The following XRCC3 variants were observed in gnomAD, a reference collection of about 807,000 sequenced individuals.
The protein encoded by XRCC3 is X-ray repair cross complementing 3, also known as DNA repair protein XRCC3.
Under a neutral mutation model 29.2 loss-of-function variants are expected in XRCC3, and 34 were observed. That is an observed-to-expected ratio of 1.16 (90% CI 0.88 to 1.55). The LOEUF (loss-of-function observed/expected upper bound fraction) is 1.55. Ranked by LOEUF, XRCC3 falls within the 40% of genes most tolerant of loss-of-function variation. The pLI, the probability that XRCC3 is intolerant of heterozygous loss-of-function variation, is 0.00. For synonymous variants in XRCC3, 223 were observed against 211.3 expected (o/e 1.06, Z -0.48); for missense variants, 463 against 467.6 (o/e 0.99, Z 0.09).
At chr14:103,713,199 C>T (rs2083692552) in intron 1 of XRCC3, 1 of 152,312 alleles carries the variant, frequency 6.6e-6, no homozygotes, top group Non-Finnish European at 1.5e-5. Flanking sequence ...GCCTCTCTCC[C>T]ACTGCAAGAC....
intron 4 of XRCC3, chr14:103,710,767 A>C (rs1225796356): frequency 2.1e-6 from 1 of 468,818 alleles, no homozygotes; most frequent in Non-Finnish European, 3.8e-6. Flanking sequence ...AAAAGACTTT[A>C]TGTGGCTCCA....
chr14:103,708,415 T>C lies in XRCC3; in HGVS notation c.193+107A>G, dbSNP rs2083514483. Reference sequence around the variant, plus strand: ...GGGCTGGAGCAGCTGCCACACGCCCTGAGGCTGGTCCCTGGGTGAAGTCTG... The same window carrying C: ...GGGCTGGAGCAGCTGCCACACGCCCCGAGGCTGGTCCCTGGGTGAAGTCTG... On this transcript the variant is annotated intron_variant, in intron 5 of 9. Coordinates refer to ENST00000555055, the MANE Select transcript of XRCC3 (RefSeq NM_005432.4). 12 of 1,538,338 alleles carry C rather than the reference T, an allele frequency of 7.8e-6. No individual in the cohort carries two copies. The South Asian group carries it at 1.3e-4, about 16-fold the overall frequency.
In XRCC3 at chr14:103,707,041, G is replaced by T; in HGVS notation, c.368C>A (p.Ala123Asp). Residue 123 changes from alanine to aspartate, a missense_variant, in exon 6 of 10, where the codon GCT becomes GAT. Coordinates refer to ENST00000555055, the MANE Select transcript of XRCC3 (RefSeq NM_005432.4). ...TCCGTGCTGCCGCGGGAACTGCACA[G>T]CCAGGCAGAGCTGCAGCGCCAGCTG... Reference protein sequence around the residue: ...KTQLALQLCLAVQFPRQHGGL... With the variant: ...KTQLALQLCLDVQFPRQHGGL... The T allele has an allele frequency of 6.4e-7, 1 of 1,567,182 alleles. No individual in the cohort carries two copies. The highest frequency in any genetic ancestry group is 8.6e-7 in the Non-Finnish European group (1 of 1,159,338).
At chr14:103,699,859 C>T in intron 7 of XRCC3, 1 of 490,648 alleles carries the variant, frequency 2.0e-6, no homozygotes. Flanking sequence ...ACACCGTCCT[C>T]TGTAGAGGTG....
In XRCC3 at chr14:103,708,584, G is replaced by A; in HGVS notation, c.131C>T (p.Pro44Leu). ...CGTTCTCAGCAAGTGCCAGACCTCG[G>A]GGCTGGAGAGGTTGGTCAGTCTCTT... is the stretch of plus-strand genomic sequence containing the variant. ...DLKRLTNLSS[P>L]EVWHLLRTAS... The change falls in exon 5 of 10, where the codon CCC (proline) becomes CTC (leucine). Residue 44 changes from proline (P) to leucine (L), a missense_variant. By Grantham distance (98) the Pro-to-Leu change is moderately conservative. Coordinates refer to ENST00000555055, the MANE Select transcript of XRCC3 (RefSeq NM_005432.4). The A allele has an allele frequency of 6.2e-7, 1 of 1,614,160 alleles. No homozygotes were observed. The highest frequency in any genetic ancestry group is 8.5e-7 in the Non-Finnish European group (1 of 1,180,026).
Position 103,698,909 on chromosome 14 carries a change from G to A in XRCC3, c.930C>T (p.Cys310=). 3 of 1,599,380 alleles carry A rather than the reference G, an allele frequency of 1.9e-6. No homozygotes were observed. Among genetic ancestry groups the A allele is most frequent in the East Asian group, 2.3e-5 (1 of 44,252 alleles). Residue 310 remains cysteine, a synonymous_variant, in exon 10 of 10, where the codon TGC becomes TGT. Coordinates refer to ENST00000555055, the MANE Select transcript of XRCC3 (RefSeq NM_005432.4). ...AGAGCACCCGCAGGGTCCGGGCTGG[G>A]CAGCCGAGGGCAGCCTCTTCCTCGC... ...RLREEEAALG[C]PARTLRVLSA...
At chr14:103,711,315 T>C (rs2083617751) in intron 3 of XRCC3, 70 bp from the exon 4 acceptor site, 1 of 680,866 alleles carries the variant, frequency 1.5e-6, no homozygotes, top group Non-Finnish European at 2.7e-6. Context: ...ATGTCTGTCA[T>C]TTACCTCTAA....
chr14:103,707,862 T>A (rs1331622766), intron 5 of XRCC3: 1 of 189,850 alleles, frequency 5.3e-6, no homozygotes, highest in African/African-American at 2.4e-5. Flanking sequence ...GCACACTGCC[T>A]TGGGCACCCC....
At position 103,700,432 on chromosome 14, in the gene XRCC3, G is replaced by A. The variant is rs568421373; in HGVS notation, c.562-856C>T. Reference sequence around the variant, plus strand: ...ACCGCACAGCTTGGTGAGCCATGGTGATGGGGGAGGGTGACACAGCTGCTC... The same window carrying A: ...ACCGCACAGCTTGGTGAGCCATGGTAATGGGGGAGGGTGACACAGCTGCTC... On this transcript the variant is annotated intron_variant, in intron 7 of 9. Transcript: ENST00000555055. 11 of 474,300 alleles carry A rather than the reference G, an allele frequency of 2.3e-5. No homozygotes were observed. In the Middle Eastern group the frequency reaches 1.6e-3, roughly 70 times the overall value. 29.4% of individuals were successfully genotyped at this position (474,300 alleles called of 1,614,324 possible). A position where few individuals can be genotyped will look rare whatever the true frequency, so the allele number is the denominator to read the frequency against.
rs2151909371 is a variant in XRCC3 at position 103,699,447 on chromosome 14, TG to T, written c.690del (p.Arg231GlyfsTer15). ...CCCAGGGACTGCAGATGCCTGGCCC[TG>T]GGGGCGGAGGCCTGGCTGTCAAATT... ...RCEFDSQASA[P>X]RARHLQSLGA... On this transcript the variant is annotated frameshift_variant, in exon 8 of 10. Transcript: ENST00000555055. LOFTEE classifies it high-confidence loss of function. 1 of 1,612,538 alleles carries T rather than the reference TG, an allele frequency of 6.2e-7. No homozygotes were observed. The highest frequency in any genetic ancestry group is 1.1e-5 in the South Asian group (1 of 91,054).
intron 7 of XRCC3, chr14:103,702,691 G>T: frequency 5.4e-6 from 1 of 186,550 alleles, no homozygotes. Flanking sequence ...GCAGCCTGCC[G>T]CCCTGCCTGC....
At position 103,699,169 on chromosome 14, in the gene XRCC3, G is replaced by A. The variant is rs2151906535; in HGVS notation, c.785C>T (p.Ala262Val). ...GTGTGCTGCGCCCTGCTCCTCCATGGCCTCTGTCACCTGGAAGAGCACAGT... is the reference window on the plus strand; with the variant it reads ...GTGTGCTGCGCCCTGCTCCTCCATGACCTCTGTCACCTGGAAGAGCACAGT... Reference protein sequence around the residue: ...PVLCINQVTEAMEEQGAAHGP... With the variant: ...PVLCINQVTEVMEEQGAAHGP... Residue 262 changes from alanine (A) to valine (V), a missense_variant, in exon 9 of 10, where the codon GCC (alanine) becomes GTC (valine). Coordinates refer to ENST00000555055, the MANE Select transcript of XRCC3 (RefSeq NM_005432.4). 1 of 1,566,712 alleles carries A rather than the reference G, an allele frequency of 6.4e-7. No homozygotes were observed. Among genetic ancestry groups the A allele is most frequent in the Non-Finnish European group, 8.6e-7 (1 of 1,159,276 alleles).
intron 2 of XRCC3, 70 bp from the exon 3 acceptor site, chr14:103,711,637 G>A (rs1250336925): frequency 2.2e-6 from 1 of 456,346 alleles, no homozygotes; most frequent in South Asian, 1.5e-5. Context: ...GTCGCCCCCA[G>A]CAGCCAACAG....
Position 103,707,789 on chromosome 14 carries a change from G to A in XRCC3, c.194-574C>T, listed in dbSNP as rs115125943. 360 of 195,878 alleles carry A rather than the reference G, an allele frequency of 1.8e-3. 1 individual carries two copies. Among genetic ancestry groups the A allele is most frequent in the African/African-American group, 7.8e-3 (330 of 42,330 alleles). 12.1% of individuals were successfully genotyped at this position (195,878 alleles called of 1,614,324 possible). On this transcript the variant is annotated intron_variant, in intron 5 of 9. Coordinates refer to ENST00000555055, the MANE Select transcript of XRCC3 (RefSeq NM_005432.4). Reference sequence around the variant, plus strand: ...GGGCAAGGCTCAAGGTGGGACATGCGGTGCAGGCTGCGCTCTTGGCCTGGG... The same window carrying A: ...GGGCAAGGCTCAAGGTGGGACATGCAGTGCAGGCTGCGCTCTTGGCCTGGG...
rs981508278 is a variant in XRCC3, at chr14:103,707,912, C to T, written c.193+610G>A. 4 of 205,326 alleles carry T rather than the reference C, an allele frequency of 1.9e-5. No individual in the cohort carries two copies. The South Asian group carries it at 3.5e-4, about 18-fold the overall frequency. 12.7% of individuals were successfully genotyped at this position (205,326 alleles called of 1,614,324 possible). Reference sequence around the variant, plus strand: ...GGCCACCCTGACTGTGAGGCCTGCCCAGAGCCCTGCCCACAGCACCGTGTG... The same window carrying T: ...GGCCACCCTGACTGTGAGGCCTGCCTAGAGCCCTGCCCACAGCACCGTGTG... On this transcript the variant is annotated intron_variant, in intron 5 of 9. Coordinates refer to ENST00000555055, the MANE Select transcript of XRCC3 (RefSeq NM_005432.4).
intron 7 of XRCC3, among the ~76,000 whole-genome samples, chr14:103,700,912 G>C (rs76914197): frequency 0.024 from 3,647 of 152,268 alleles, 141 homozygotes; most frequent in African/African-American, 0.082. Flanking sequence ...GCCACAGAGT[G>C]GGGGGGTGGG....
At chr14:103,708,719 A>G in intron 4 of XRCC3, 60 bp from the exon 5 acceptor site, 1 of 1,609,016 alleles carries the variant, frequency 6.2e-7, no homozygotes. Context: ...AGGGCAACAC[A>G]GTGACAAAAG....
intron 6 of XRCC3, chr14:103,706,376 C>T (rs1212082615): frequency 4.4e-6 from 2 of 456,114 alleles, no homozygotes; most frequent in Non-Finnish European, 4.4e-6. Context: ...TACTGCCACT[C>T]TGTTCACGTG....
Position 103,699,580 on chromosome 14 carries a change from T to G in XRCC3, c.562-4A>C. 1 of 1,612,934 alleles carries G rather than the reference T, an allele frequency of 6.2e-7. No homozygotes were observed. Among genetic ancestry groups the G allele is most frequent in the Non-Finnish European group, 8.5e-7 (1 of 1,179,644 alleles). ...TCACACACTCCAACAAGGTGTCCTG[T>G]GGGGACAGCTGTCATTGTCTATGCT... On this transcript the variant is annotated splice_polypyrimidine_tract_variant and splice_region_variant and intron_variant, in intron 7 of 9. Transcript: ENST00000555055.
Sources: gnomAD v4.1 joint callset for allele counts (sites outside exome capture counted in the v4.1 genomes callset) on GRCh38, gnomAD v4.1.1 for gene constraint, MANE v1.5 for transcripts, NCBI Gene and HGNC (gene_info 2026-07-23, HGNC 2026-07-21) for gene names.